ZPBP: variants seen among roughly 807,000 people sequenced by gnomAD.
ZPBP encodes zona pellucida-binding protein 1.
A neutral mutation model predicts 44.8 loss-of-function variants in ZPBP; 26 were observed. That is an observed-to-expected ratio of 0.58 (90% CI 0.43 to 0.81). The LOEUF is 0.81. Among genes scored for constraint, ZPBP ranks in the 30% least tolerant of loss-of-function variants. The pLI, the probability that ZPBP is intolerant of heterozygous loss-of-function variation, is 0.00. For synonymous variants in ZPBP, 174 were observed against 153.2 expected (o/e 1.14, Z -1.00); for missense variants, 409 against 434.0 (o/e 0.94, Z 0.51).
intron 2 of ZPBP, among the ~76,000 whole-genome samples, chr7:49,863,114 G>T (rs1583701680): frequency 6.6e-6 from 1 of 152,190 alleles, no homozygotes; most frequent in East Asian, 1.9e-4. Context: ...TTTGTTGGGA[G>T]GTTTTGGATT....
At chr7:49,991,165 TGAACTG>T in intron 6 of ZPBP, among the ~76,000 whole-genome samples, 1 of 152,228 alleles carries the variant, frequency 6.6e-6, no homozygotes, top group African/African-American at 2.4e-5. Flanking sequence ...GTGTCTTGAA[TGAACTG>T]GAGAGAAATG....
At chr7:49,870,005 A>G (rs1166296997) in intron 2 of ZPBP, among the ~76,000 whole-genome samples, 1 of 152,220 alleles carries the variant, frequency 6.6e-6, no homozygotes, top group African/African-American at 2.4e-5. Context: ...TGCATACTAT[A>G]TGATTCTGTT....
At chr7:49,929,517 C>T (rs1794375414) in intron 1 of ZPBP, among the ~76,000 whole-genome samples, 1 of 152,150 alleles carries the variant, frequency 6.6e-6, no homozygotes, top group African/African-American at 2.4e-5. Flanking sequence ...AGGATAGAAC[C>T]AGGGACCAAC....
intron 1 of ZPBP, among the ~76,000 whole-genome samples, chr7:49,911,480 C>CAA (rs34782644): frequency 0.074 from 5,069 of 68,450 alleles, 408 homozygotes; most frequent in South Asian, 0.13. Flanking sequence ...GACTCTGTCT[C>CAA]AAAAAAAAAA....
intron 4 of ZPBP, among the ~76,000 whole-genome samples, chr7:50,037,477 G>A (rs1282506548): frequency 6.6e-6 from 1 of 152,180 alleles, no homozygotes; most frequent in African/African-American, 2.4e-5. Flanking sequence ...AAAGCCTCAG[G>A]AAACTCACAA....
intron 2 of ZPBP, among the ~76,000 whole-genome samples, chr7:49,866,085 G>A (rs978373135): frequency 2.0e-5 from 3 of 152,060 alleles, no homozygotes; most frequent in Admixed American, 6.6e-5. Flanking sequence ...AATGTGAAAC[G>A]GTTTCATTCT....
chr7:49,929,048 GA>G (rs1405150817), intron 1 of ZPBP, among the ~76,000 whole-genome samples: 1 of 152,130 alleles, frequency 6.6e-6, no homozygotes, highest in Non-Finnish European at 1.5e-5. Flanking sequence ...CAGTGGCCTG[GA>G]ATGATTGCAG....
At chr7:50,072,388 C>A (rs1377640799) in intron 3 of ZPBP, among the ~76,000 whole-genome samples, 1 of 152,242 alleles carries the variant, frequency 6.6e-6, no homozygotes, top group Non-Finnish European at 1.5e-5. Context: ...CCCTGAATCC[C>A]AGACAGCACT....
At chr7:49,918,312 T>C (rs1793829310) in intron 1 of ZPBP, 1 of 152,212 alleles carries the variant, frequency 6.6e-6, no homozygotes, top group African/African-American at 2.4e-5. Context: ...ATCATTTGTG[T>C]TTAGGTCAGG....
intron 2 of ZPBP, among the ~76,000 whole-genome samples, chr7:49,893,140 T>G (rs1171855218): frequency 6.6e-6 from 1 of 152,362 alleles, no homozygotes; most frequent in East Asian, 1.9e-4. Context: ...CTTTAGCCTT[T>G]AAAAATGGAG....
At chr7:50,007,001 G>C (rs1798341127) in intron 6 of ZPBP, among the ~76,000 whole-genome samples, 1 of 151,894 alleles carries the variant, frequency 6.6e-6, no homozygotes, top group Non-Finnish European at 1.5e-5. Context: ...CAAGTCATGA[G>C]AGCAGGATCC....
chr7:49,943,381 G>A, intron 7 of ZPBP: 1 of 375,968 alleles, frequency 2.7e-6, no homozygotes, highest in Non-Finnish European at 5.1e-6. Flanking sequence ...AACATATCAA[G>A]GTAATGTATT....
intron 7 of ZPBP, among the ~76,000 whole-genome samples, chr7:49,937,827 T>C: frequency 6.6e-6 from 1 of 152,280 alleles, no homozygotes; most frequent in Middle Eastern, 3.4e-3. Flanking sequence ...CAACCACCAT[T>C]CTACCTTTGG....
chr7:49,956,211 C>A (rs1294948705), intron 7 of ZPBP, among the ~76,000 whole-genome samples: 1 of 151,828 alleles, frequency 6.6e-6, no homozygotes, highest in African/African-American at 2.4e-5. Context: ...ACATTTATTT[C>A]CATTATTATC....
At chr7:50,042,010 G>A (rs957761272) in intron 4 of ZPBP, among the ~76,000 whole-genome samples, 13 of 152,088 alleles carry the variant, frequency 8.5e-5, no homozygotes, top group African/African-American at 2.9e-4. Flanking sequence ...ACCACAGCAT[G>A]AGAACTTCAA....
chr7:49,893,509 A>C (rs575785308), intron 2 of ZPBP, among the ~76,000 whole-genome samples: 8 of 152,232 alleles, frequency 5.3e-5, no homozygotes, highest in Non-Finnish European at 1.0e-4. Context: ...CTTAGTTAAA[A>C]ATGATTTTGT....
At position 50,062,643 on chromosome 7, in the gene ZPBP, G is replaced by A. The variant is rs192470794; in HGVS notation, c.335-4502C>T. On this transcript the variant is annotated intron_variant, in intron 3 of 7. Coordinates refer to ENST00000046087, the MANE Select transcript of ZPBP (RefSeq NM_007009.3). ...CCACGTGCACAAGATTGAAACTGGC[G>A]CCCTTCCTTCTACCATATATAAAAA... is the stretch of plus-strand genomic sequence containing the variant. Among the ~76,000 whole-genome samples, 370 of 152,128 alleles carry A rather than the reference G, an allele frequency of 2.4e-3. 4 individuals are homozygous for A. The highest frequency in any genetic ancestry group is 1.2e-3 in the South Asian group (6 of 4,816).
intron 1 of ZPBP, among the ~76,000 whole-genome samples, chr7:50,091,167 G>GTT (rs201041658): frequency 6.6e-6 from 1 of 151,306 alleles, no homozygotes; most frequent in African/African-American, 2.4e-5. Context: ...GACTGTTGGG[G>GTT]TTTTTTTTCA....
At chr7:49,932,363 G>A (rs1226305222) in intron 1 of ZPBP, among the ~76,000 whole-genome samples, 3 of 152,218 alleles carry the variant, frequency 2.0e-5, no homozygotes, top group South Asian at 4.1e-4. Flanking sequence ...CCAAGGCTGT[G>A]GGAACCCACC....
Sources: gnomAD v4.1 joint callset for allele counts (sites outside exome capture counted in the v4.1 genomes callset) on GRCh38, gnomAD v4.1.1 for gene constraint, MANE v1.5 for transcripts, NCBI Gene and HGNC (gene_info 2026-07-23, HGNC 2026-07-21) for gene names.